Variants in SLMAP observed in about 807,000 individuals in gnomAD.
SLMAP encodes sarcolemmal membrane-associated protein.
SLMAP carries 44 observed loss-of-function variants against 128.8 expected under a neutral mutation model. The observed-to-expected ratio is 0.34, with a 90% CI of 0.27 to 0.44. The LOEUF (loss-of-function observed/expected upper bound fraction) is 0.44. Ranked by LOEUF, SLMAP falls within the 20% of genes least tolerant of loss-of-function variation. The pLI, the probability that SLMAP is intolerant of heterozygous loss-of-function variation, is 1.00. For missense variants in SLMAP, 787 were observed against 985.3 expected, an observed-to-expected ratio of 0.80 and a Z score of 2.69; for synonymous variants, 327 against 348.8, an observed-to-expected ratio of 0.94 and a Z score of 0.70.
chr3:57,906,674 A>ATATATAT (rs1553638373), intron 17 of SLMAP, among the ~76,000 whole-genome samples: 1 of 67,470 alleles, frequency 1.5e-5, no homozygotes, highest in African/African-American at 5.3e-5. Context: ...ATGAAAAAAA[A>ATATATAT]ATATATATAT....
chr3:57,925,886 A>T lies in SLMAP; in HGVS notation c.2487A>T (p.Leu829=), dbSNP rs1231729557. 1 of 1,551,026 alleles carries T rather than the reference A, an allele frequency of 6.4e-7. No homozygotes were observed. Among genetic ancestry groups the T allele is most frequent in the Non-Finnish European group, 8.7e-7 (1 of 1,147,102 alleles). Residue 829 remains leucine, a synonymous_variant, in exon 24 of 25, where the codon CTA becomes CTT. Coordinates refer to ENST00000671191, the MANE Select transcript of SLMAP (RefSeq NM_001377540.1). ...CCGTCCCAGCCGTATTCATCGGCCT[A>T]TTCCTGGCTTTCCTGTTTTGGTGTT... ...LQPVPAVFIG[L]FLAFLFWCFG...
intron 2 of SLMAP, among the ~76,000 whole-genome samples, chr3:57,760,687 C>T (rs964036300): frequency 4.0e-5 from 6 of 151,834 alleles, no homozygotes; most frequent in African/African-American, 1.5e-4. Flanking sequence ...CCACTGCACT[C>T]CAGCCTGGGT....
intron 14 of SLMAP, among the ~76,000 whole-genome samples, chr3:57,881,187 C>T (rs1423159322): frequency 6.6e-6 from 1 of 151,604 alleles, no homozygotes; most frequent in Non-Finnish European, 1.5e-5. Context: ...GAGCGAGACT[C>T]CATCTCAAAA....
chr3:57,871,236 C>T lies in SLMAP; in HGVS notation c.1238-400C>T, dbSNP rs144017902. ...TTCTTAAAGTATTTACCTTTTGCCT[C>T]TTAACTAAGATGAATAGCTTTGAAG... is the stretch of plus-strand genomic sequence containing the variant. On this transcript the variant is annotated intron_variant, in intron 13 of 24. Transcript: ENST00000671191. 7.4e-4 allele frequency among the ~76,000 whole-genome samples: 113 copies of T among 152,246 alleles called. 1 individual carries two copies. The highest frequency in any genetic ancestry group is 2.2e-3 in the African/African-American group (93 of 41,550).
At chr3:57,808,368 C>G (rs959003059) in intron 2 of SLMAP, among the ~76,000 whole-genome samples, 3 of 152,126 alleles carry the variant, frequency 2.0e-5, no homozygotes, top group South Asian at 2.1e-4. Flanking sequence ...GATTTGAGAT[C>G]CTTCTAGCTT....
At chr3:57,859,331 A>G (rs2094940342) in intron 8 of SLMAP, among the ~76,000 whole-genome samples, 1 of 151,968 alleles carries the variant, frequency 6.6e-6, no homozygotes, top group South Asian at 2.1e-4. Context: ...AAAAAAAAAA[A>G]AAAAAAAAGC....
chr3:57,792,283 T>C (rs1016154000), intron 2 of SLMAP, among the ~76,000 whole-genome samples: 6 of 152,006 alleles, frequency 3.9e-5, no homozygotes, highest in African/African-American at 1.2e-4. Context: ...AGTAAACTTA[T>C]AAGTAAATTA....
At chr3:57,901,633 G>A (rs992370952) in intron 17 of SLMAP, 4 of 152,160 alleles carry the variant, frequency 2.6e-5, no homozygotes, top group African/African-American at 9.7e-5. Context: ...AATCCAGAAT[G>A]TGGAAGATTC....
At chr3:57,838,955 ATTG>A (rs1043350116) in intron 3 of SLMAP, among the ~76,000 whole-genome samples, 2 of 151,508 alleles carry the variant, frequency 1.3e-5, no homozygotes, top group African/African-American at 4.9e-5. Flanking sequence ...TCTGTTTTTT[ATTG>A]TTGTTTGTTT....
chr3:57,889,870 C>T lies in SLMAP; in HGVS notation c.1301-171C>T, dbSNP rs1575791313. On this transcript the variant is annotated intron_variant, in intron 14 of 24. Transcript: ENST00000671191. ...TTCTGCATTAACGTGATTGCTCCGT[C>T]ATAGTTCCAGTTCTCTTAGTTCCCC... 9.7e-6 allele frequency: 5 copies of T among 515,334 alleles called. No homozygotes were observed. In the East Asian group the frequency reaches 1.2e-4, roughly 12 times the overall value. The allele number at this position is 515,334 out of a possible 1,614,324, so 31.9% of individuals were successfully genotyped here.
In SLMAP at chr3:57,849,832, G is replaced by A. The variant is rs1319464652; in HGVS notation, c.519+16G>A. 7.3e-7 allele frequency: 1 copy of A among 1,376,698 alleles called. No homozygotes were observed. Among genetic ancestry groups the A allele is most frequent in the African/African-American group, 1.4e-5 (1 of 70,186 alleles). The allele number at this position is 1,376,698 out of a possible 1,614,324, so 85.3% of individuals were successfully genotyped here. A position where few individuals can be genotyped will look rare whatever the true frequency, so the allele number is the denominator to read the frequency against. On this transcript the variant is annotated intron_variant, in intron 6 of 24. Transcript: ENST00000671191. ...GTATCTACAGGTAAAAGTACATCTT[G>A]AGACTTCTTAAAAGCAGAATTTCTT...
At chr3:57,846,290 A>G (rs1048503649) in intron 4 of SLMAP, among the ~76,000 whole-genome samples, 4 of 152,204 alleles carry the variant, frequency 2.6e-5, no homozygotes, top group African/African-American at 9.6e-5. Flanking sequence ...CAGGCCAACA[A>G]GGCAACTGGT....
intron 13 of SLMAP, among the ~76,000 whole-genome samples, chr3:57,869,547 T>G (rs1228993466): frequency 3.4e-5 from 5 of 145,998 alleles, no homozygotes; most frequent in Non-Finnish European, 3.0e-5. Flanking sequence ...AGGCCAGGAG[T>G]TTGAGGTTGT....
At position 57,929,708 on chromosome 3, in the gene SLMAP, G is replaced by T. The variant is rs189217998; in HGVS notation, c.*2419G>T. Among the ~76,000 whole-genome samples the T allele has an allele frequency of 9.7e-4, 148 of 152,306 alleles. No homozygotes were observed. The highest frequency in any genetic ancestry group is 4.1e-3 in the Admixed American group (62 of 15,302). The stretch of plus-strand genomic sequence containing the variant: ...GGTTAGAGAATAAAAAGAACGTGGT[G>T]TTTGAAGCAAAACAGATCTGTATTG... On this transcript the variant is annotated 3_prime_UTR_variant, in exon 25 of 25. Transcript: ENST00000671191.
At chr3:57,758,262 G>A (rs1447411257) in intron 2 of SLMAP, among the ~76,000 whole-genome samples, 1 of 152,232 alleles carries the variant, frequency 6.6e-6, no homozygotes, top group Non-Finnish European at 1.5e-5. Context: ...TGTCTTAGTG[G>A]TGAAATGTAG....
At chr3:57,857,984 G>C (rs775826235) in intron 7 of SLMAP, 104 bp from the exon 8 acceptor site, 85 of 936,358 alleles carry the variant, frequency 9.1e-5, no homozygotes, top group Middle Eastern at 5.1e-4. Flanking sequence ...ATGCTGGTCA[G>C]TTTTACGCTT....
chr3:57,787,611 G>A (rs1559985706), intron 2 of SLMAP, among the ~76,000 whole-genome samples: 1 of 152,190 alleles, frequency 6.6e-6, no homozygotes. Flanking sequence ...TGAGAGCTGG[G>A]ATTACAGGCA....
chr3:57,813,545 GA>G (rs35880712), intron 2 of SLMAP, among the ~76,000 whole-genome samples: 2 of 151,726 alleles, frequency 1.3e-5, no homozygotes, highest in South Asian at 2.1e-4. Context: ...ATATTTGGGG[GA>G]AAAAAAAGGA....
At chr3:57,885,727 T>TTTGTTGTTG (rs775370653) in intron 14 of SLMAP, among the ~76,000 whole-genome samples, 5 of 148,060 alleles carry the variant, frequency 3.4e-5, no homozygotes, top group Non-Finnish European at 6.0e-5. Flanking sequence ...CCATCTTGTT[T>TTTGTTGTTG]TTGTTGTTGT....
Sources: allele counts gnomAD v4.1 joint callset (sites outside exome capture counted in the v4.1 genomes callset), GRCh38; gene constraint gnomAD v4.1.1; transcripts MANE v1.5; gene names NCBI Gene and HGNC (gene_info 2026-07-23, HGNC 2026-07-21).